RABGEF1: variants seen among roughly 807,000 people sequenced by gnomAD.
The protein encoded by RABGEF1 is RAB guanine nucleotide exchange factor 1, also known as rab5 GDP/GTP exchange factor.
A neutral mutation model predicts 57.3 loss-of-function variants in RABGEF1; 26 were observed. That is an observed-to-expected ratio of 0.45 (90% confidence interval 0.33 to 0.63). The LOEUF is 0.63. RABGEF1 is among the 20% of genes least tolerant of loss of function. The pLI, the probability that RABGEF1 is intolerant of heterozygous loss-of-function variation, is 0.02. For synonymous variants in RABGEF1, 185 were observed against 210.7 expected (o/e 0.88, Z 1.06); for missense variants, 464 against 607.6 (o/e 0.76, Z 2.48).
the RABGEF1 span, among the ~76,000 whole-genome samples, chr7:66,675,457 C>G: frequency 6.6e-6 from 1 of 151,690 alleles, no homozygotes; most frequent in African/African-American, 2.4e-5. Context: ...CAAAAAAAAC[C>G]CCAAAAAACT....
chr7:66,763,494 G>C (rs2129090518), intron 1 of RABGEF1, among the ~76,000 whole-genome samples: 1 of 152,236 alleles, frequency 6.6e-6, no homozygotes, highest in Middle Eastern at 3.4e-3. Context: ...TTCACATTCT[G>C]TCTCTTCTGT....
chr7:66,690,756 A>G (rs1791399133), intron 1 of RABGEF1, among the ~76,000 whole-genome samples: 3 of 151,748 alleles, frequency 2.0e-5, no homozygotes. Flanking sequence ...AAAAAGAGAA[A>G]ACACTGCCAA....
intron 2 of RABGEF1, among the ~76,000 whole-genome samples, chr7:66,721,857 CAG>C (rs537341996): frequency 1.3e-3 from 197 of 152,188 alleles, no homozygotes; most frequent in South Asian, 7.5e-3. Context: ...TGCTTTGAAA[CAG>C]AAAGTTTTTG....
intron 2 of RABGEF1, among the ~76,000 whole-genome samples, chr7:66,713,634 T>G (rs188106750): frequency 1.6e-3 from 241 of 152,372 alleles, no homozygotes; most frequent in African/African-American, 5.5e-3. Context: ...TCTTGAAGTA[T>G]GACTTTAGCT....
intron 7 of RABGEF1, 113 bp from the exon 8 acceptor site, chr7:66,805,027 A>G (rs1788135734): frequency 1.7e-6 from 2 of 1,204,310 alleles, no homozygotes; most frequent in Non-Finnish European, 1.2e-6. Context: ...TAACTGCTGG[A>G]AAAGGGGTTA....
At chr7:66,726,077 T>A (rs570384082) in intron 2 of RABGEF1, among the ~76,000 whole-genome samples, 1 of 152,186 alleles carries the variant, frequency 6.6e-6, no homozygotes, top group African/African-American at 2.4e-5. Flanking sequence ...CAAGGCCACA[T>A]CTGTCTGCAG....
At chr7:66,709,947 C>A (rs1228561003) in intron 1 of RABGEF1, among the ~76,000 whole-genome samples, 3 of 152,186 alleles carry the variant, frequency 2.0e-5, no homozygotes, top group Admixed American at 2.0e-4. Context: ...TCATGAAATG[C>A]AGTTCTACCA....
intron 7 of RABGEF1, among the ~76,000 whole-genome samples, chr7:66,801,231 T>G (rs1388295426): frequency 1.3e-5 from 2 of 152,158 alleles, no homozygotes; most frequent in African/African-American, 4.8e-5. Context: ...TTTCCCTTTC[T>G]TTCTGTTTTG....
rs776900469 is a variant in RABGEF1 at position 66,771,882 on chromosome 7, G to A, written c.-17-1G>A. 1 of 1,462,306 alleles carries A rather than the reference G, an allele frequency of 6.8e-7. No individual in the cohort carries two copies. Among genetic ancestry groups the A allele is most frequent in the East Asian group, 2.6e-5 (1 of 38,378 alleles). The allele number at this position is 1,462,306 out of a possible 1,614,324, so 90.6% of individuals were successfully genotyped here. A position where few individuals can be genotyped will look rare whatever the true frequency, so the allele number is the denominator to read the frequency against. ...TCAACAGCACTTTCTTGTTTGTTCAGTGGTTAGCAGGAAGAAGATGAGCCT... is the reference window on the plus strand; with the variant it reads ...TCAACAGCACTTTCTTGTTTGTTCAATGGTTAGCAGGAAGAAGATGAGCCT... On this transcript the variant is annotated splice_acceptor_variant, in intron 1 of 8. Coordinates refer to ENST00000284957, the MANE Select transcript of RABGEF1 (RefSeq NM_014504.3). LOFTEE classifies it low-confidence loss of function (5UTR_SPLICE).
chr7:66,758,087 G>A (rs1158961815), intron 1 of RABGEF1, among the ~76,000 whole-genome samples: 1 of 152,154 alleles, frequency 6.6e-6, no homozygotes, highest in Non-Finnish European at 1.5e-5. Context: ...GATGTTTCCT[G>A]TAAGTCCCAG....
intron 1 of RABGEF1, among the ~76,000 whole-genome samples, chr7:66,687,869 T>G (rs531349401): frequency 2.6e-5 from 4 of 152,152 alleles, no homozygotes; most frequent in African/African-American, 9.6e-5. Context: ...GCAGATCCCT[T>G]GAGGTCGGGA....
chr7:66,715,646 A>T (rs190843186), intron 2 of RABGEF1, among the ~76,000 whole-genome samples: 53 of 152,320 alleles, frequency 3.5e-4, no homozygotes, highest in African/African-American at 1.2e-3. Context: ...CTTCTAGTTA[A>T]ATTGTATGAT....
chr7:66,676,449 C>T, the RABGEF1 span, among the ~76,000 whole-genome samples: 5 of 152,138 alleles, frequency 3.3e-5, no homozygotes, highest in Non-Finnish European at 1.5e-5. Flanking sequence ...GTTAGCCCTC[C>T]ACATATGTGG....
the RABGEF1 span, among the ~76,000 whole-genome samples, chr7:66,663,295 CTG>C: frequency 6.6e-6 from 1 of 152,188 alleles, no homozygotes; most frequent in Admixed American, 6.5e-5. Context: ...GCTCTGAAGG[CTG>C]TGAGATCCCT....
the RABGEF1 span, among the ~76,000 whole-genome samples, chr7:66,673,023 G>T: frequency 3.4e-4 from 50 of 147,030 alleles, no homozygotes; most frequent in African/African-American, 9.9e-4. Flanking sequence ...TCACCAAGGT[G>T]TGCTGAAGAT....
upstream of RABGEF1, among the ~76,000 whole-genome samples, chr7:66,679,311 G>GT (rs1008201091): frequency 4.6e-5 from 7 of 151,582 alleles, no homozygotes; most frequent in African/African-American, 1.2e-4. Flanking sequence ...CTTGGTTGCA[G>GT]TTTTTTTTTC....
chr7:66,751,282 C>T (rs545192020), intron 1 of RABGEF1, among the ~76,000 whole-genome samples: 1 of 152,300 alleles, frequency 6.6e-6, no homozygotes, highest in East Asian at 1.9e-4. Context: ...CCGCCTGCCT[C>T]GGCCTCCCAA....
chr7:66,775,429 T>C, intron 3 of RABGEF1, 36 bp downstream of exon 3: 1 of 1,606,090 alleles, frequency 6.2e-7, no homozygotes, highest in Non-Finnish European at 8.5e-7. Flanking sequence ...CTTCTCTGCC[T>C]GAGTGAGACA....
intron 1 of RABGEF1, among the ~76,000 whole-genome samples, chr7:66,709,698 C>T (rs1794556294): frequency 6.6e-6 from 1 of 152,112 alleles, no homozygotes; most frequent in Admixed American, 6.6e-5. Flanking sequence ...TCGCTTGAAC[C>T]TGGGAGGTGG....
Sources: allele counts gnomAD v4.1 joint callset (sites outside exome capture counted in the v4.1 genomes callset), GRCh38; gene constraint gnomAD v4.1.1; transcripts MANE v1.5; gene names NCBI Gene and HGNC (gene_info 2026-07-23, HGNC 2026-07-21).